The following XKR6 variants were observed in gnomAD, a reference collection of about 807,000 sequenced individuals.
XKR6 encodes XK-related protein 6.
Under a neutral mutation model 56.7 loss-of-function variants are expected in XKR6, and 22 were observed. That is an observed-to-expected ratio of 0.39 (90% CI 0.28 to 0.55). The LOEUF (loss-of-function observed/expected upper bound fraction) is 0.55. Among genes scored for constraint, XKR6 ranks in the 20% least tolerant of loss-of-function variants. XKR6 has a pLI of 0.66. For synonymous variants in XKR6, 524 were observed against 387.8 expected, an observed-to-expected ratio of 1.35 and a Z score of -4.13; for missense variants, 852 against 889.0, an observed-to-expected ratio of 0.96 and a Z score of 0.53.
At position 10,956,413 on chromosome 8, in the gene XKR6, C is replaced by G. The variant is rs193274585; in HGVS notation, c.765-31583G>C. 4.5e-3 allele frequency among the ~76,000 whole-genome samples: 682 copies of G among 152,282 alleles called. 4 individuals carry two copies. Among genetic ancestry groups the G allele is most frequent in the African/African-American group, 0.016 (646 of 41,540 alleles). Reference sequence around the variant, plus strand: ...CCATCTGCAGGATCTGCCCAACACCCCATACAAAGCAGGCACTGCACCTAC... The same window carrying G: ...CCATCTGCAGGATCTGCCCAACACCGCATACAAAGCAGGCACTGCACCTAC... On this transcript the variant is annotated intron_variant, in intron 1 of 2. Transcript: ENST00000416569.
chr8:11,133,592 C>A (rs1016597842), intron 1 of XKR6, among the ~76,000 whole-genome samples: 1 of 149,754 alleles, frequency 6.7e-6, no homozygotes, highest in African/African-American at 2.5e-5. Flanking sequence ...ACAGTACAGG[C>A]TAGGACTCAG....
Position 11,200,854 on chromosome 8 carries a change from G to T in XKR6, c.486C>A (p.Phe162Leu). 1 of 1,611,956 alleles carries T rather than the reference G, an allele frequency of 6.2e-7. No homozygotes were observed. ...CCAGCACGAAGAAGAGGGTCAGCCC[G>T]AAGTAGACGTAGTCCCCCTTGCGGT... ...DYYRKGDYVY[F>L]GLTLFFVLVP... Residue 162 changes from phenylalanine (F) to leucine (L), a missense_variant, in exon 1 of 3, where the codon TTC (phenylalanine) becomes TTA (leucine). This residue lies in a region of XKR6 where 417 missense variants were observed against 355.2 expected (regional missense o/e 1.17). Transcript: ENST00000416569. This position sits in a 1 kb window ranked among gnomAD's most constrained non-coding sequence, Gnocchi z 6.4.
intron 1 of XKR6, among the ~76,000 whole-genome samples, chr8:11,151,593 G>GC (rs1351665493): frequency 6.6e-6 from 1 of 152,104 alleles, no homozygotes; most frequent in Non-Finnish European, 1.5e-5. Flanking sequence ...GATAGCAGAA[G>GC]CAACGGCGCA....
intron 1 of XKR6, among the ~76,000 whole-genome samples, chr8:11,158,636 A>G (rs766708932): frequency 2.6e-5 from 4 of 152,230 alleles, no homozygotes; most frequent in Non-Finnish European, 4.4e-5. Flanking sequence ...CAATAGCAAA[A>G]AAACAAAACA....
At chr8:11,195,895 G>A (rs1004074130) in intron 1 of XKR6, among the ~76,000 whole-genome samples, 15 of 147,246 alleles carry the variant, frequency 1.0e-4, no homozygotes, top group African/African-American at 3.5e-4. Context: ...CTCATGATCC[G>A]CCACCTCGGC....
intron 1 of XKR6, among the ~76,000 whole-genome samples, chr8:11,162,800 G>C (rs1801878895): frequency 6.6e-6 from 1 of 152,234 alleles, no homozygotes; most frequent in African/African-American, 2.4e-5. Flanking sequence ...AACTTTGTAA[G>C]AAGCCGAAGT....
At position 11,074,688 on chromosome 8, in the gene XKR6, G is replaced by C. The variant is rs866385464; in HGVS notation, c.764+125888C>G. On this transcript the variant is annotated intron_variant, in intron 1 of 2. Coordinates refer to ENST00000416569, the MANE Select transcript of XKR6 (RefSeq NM_173683.4). ...CCCAGGAAGCACACAGTCCAAGGTG[G>C]GAGAGAGGCAGAGAGACGGCGAAGT... 7.9e-5 allele frequency among the ~76,000 whole-genome samples: 12 copies of C among 152,310 alleles called. No homozygotes were observed. In the Middle Eastern group the frequency reaches 0.01, roughly 130 times the overall value.
intron 1 of XKR6, among the ~76,000 whole-genome samples, chr8:10,972,661 TCA>T (rs1198694097): frequency 6.6e-6 from 1 of 151,932 alleles, no homozygotes; most frequent in African/African-American, 2.4e-5. Context: ...TTCAGAGGAG[TCA>T]CATTCACAGA....
chr8:10,982,363 T>G (rs893515040), intron 1 of XKR6, among the ~76,000 whole-genome samples: 1 of 152,196 alleles, frequency 6.6e-6, no homozygotes, highest in Admixed American at 6.5e-5. Flanking sequence ...TAAGATGTCA[T>G]AGGATAATGC....
At chr8:11,045,011 C>A (rs1563100859) in intron 1 of XKR6, among the ~76,000 whole-genome samples, 1 of 142,108 alleles carries the variant, frequency 7.0e-6, no homozygotes. Flanking sequence ...CTCCAGTGAT[C>A]TTTGCTTACT....
At chr8:10,967,205 G>C (rs1802252870) in intron 1 of XKR6, among the ~76,000 whole-genome samples, 1 of 152,174 alleles carries the variant, frequency 6.6e-6, no homozygotes, top group South Asian at 2.1e-4. Flanking sequence ...CATCTTCTCT[G>C]GGGCTCAGTT....
At chr8:11,065,314 C>A (rs533052548) in intron 1 of XKR6, among the ~76,000 whole-genome samples, 1 of 152,216 alleles carries the variant, frequency 6.6e-6, no homozygotes, top group African/African-American at 2.4e-5. Flanking sequence ...TCTTATGGAT[C>A]TTGTCAGTTC....
intron 1 of XKR6, among the ~76,000 whole-genome samples, chr8:11,031,015 C>A (rs1798981230): frequency 6.6e-6 from 1 of 152,172 alleles, no homozygotes; most frequent in Non-Finnish European, 1.5e-5. Context: ...AGAGTGCACA[C>A]CTACTGGCTC....
intron 1 of XKR6, among the ~76,000 whole-genome samples, chr8:11,145,872 C>T (rs1345013373): frequency 2.6e-5 from 4 of 151,980 alleles, no homozygotes; most frequent in Non-Finnish European, 4.4e-5. Flanking sequence ...AAAATGCAAA[C>T]GACCCACAAT....
intron 1 of XKR6, among the ~76,000 whole-genome samples, chr8:11,168,041 T>C (rs556644308): frequency 3.3e-5 from 5 of 150,380 alleles, no homozygotes; most frequent in African/African-American, 1.2e-4. Flanking sequence ...AAGAGATACA[T>C]AAAACCAAAA....
At chr8:11,198,891 A>C (rs1804041223) in intron 1 of XKR6, among the ~76,000 whole-genome samples, 1 of 152,064 alleles carries the variant, frequency 6.6e-6, no homozygotes, top group East Asian at 1.9e-4. Flanking sequence ...GCATCTTAAC[A>C]ACCAGAAAAC....
chr8:11,173,632 C>T (rs769171279), intron 1 of XKR6, among the ~76,000 whole-genome samples: 25 of 152,034 alleles, frequency 1.6e-4, no homozygotes, highest in African/African-American at 3.6e-4. Flanking sequence ...ACATGCACAG[C>T]GTTGGGTGTC....
At chr8:10,911,901 T>C (rs199650098) in intron 2 of XKR6, among the ~76,000 whole-genome samples, 1 of 148,182 alleles carries the variant, frequency 6.7e-6, no homozygotes, top group Non-Finnish European at 1.5e-5. Context: ...ATAGAGAGAA[T>C]AGGTATATAT....
At position 10,898,260 on chromosome 8, in the gene XKR6, G is replaced by C; in HGVS notation, c.1618C>G (p.Gln540Glu). ...APEIPGYRGT[Q>E]VTPTRAVTEQ... ...GTTACGGCTCTGGTGGGCGTAACCT[G>C]GGTCCCCCGGTACCCAGGGATCTCA... The change falls in exon 3 of 3, where the codon CAG becomes GAG. Residue 540 changes from glutamine to glutamate, a missense_variant. This residue lies in a region of XKR6 where 197 missense variants were observed against 190.9 expected (regional missense o/e 1.03). Transcript: ENST00000416569. This position sits in a 1 kb window ranked among gnomAD's most constrained non-coding sequence, Gnocchi z 6.6. 2 of 1,614,150 alleles carry C rather than the reference G, an allele frequency of 1.2e-6. No homozygotes were observed. Among genetic ancestry groups the C allele is most frequent in the Non-Finnish European group, 1.7e-6 (2 of 1,180,010 alleles).
Sources: allele counts gnomAD v4.1 joint callset (sites outside exome capture counted in the v4.1 genomes callset), GRCh38; gene constraint gnomAD v4.1.1; regional missense constraint gnomAD v4.1.1; non-coding constraint Gnocchi (gnomAD v3.1); transcripts MANE v1.5; gene names NCBI Gene and HGNC (gene_info 2026-07-23, HGNC 2026-07-21).